Variants in FAM180A observed in about 807,000 individuals in gnomAD.
FAM180A encodes the protein protein FAM180A.
Under a neutral mutation model 15.3 loss-of-function variants are expected in FAM180A, and 14 were observed. The ratio of observed to expected loss-of-function variants is 0.92; its 90% CI spans 0.61 to 1.43. The LOEUF (loss-of-function observed/expected upper bound fraction) is 1.43. Ranked by LOEUF, FAM180A falls within the 40% of genes most tolerant of loss-of-function variation. The probability of loss-of-function intolerance (pLI) is 0.00; values close to 1 mark genes in which losing one functional copy is unlikely to be tolerated. For synonymous variants in FAM180A, 90 were observed against 96.8 expected (o/e 0.93, Z 0.41); for missense variants, 200 against 220.8 (o/e 0.91, Z 0.60).
intron 3 of FAM180A, among the ~76,000 whole-genome samples, chr7:135,732,730 C>T (rs1796803686): frequency 1.1e-5 from 1 of 93,288 alleles, no homozygotes. Context: ...CACACACACA[C>T]ACACACACAC....
Position 135,732,947 on chromosome 7 carries a change from G to A in FAM180A, c.*329+699C>T, listed in dbSNP as rs147974758. On this transcript the variant is annotated intron_variant, in intron 3 of 3. Coordinates refer to ENST00000338588, the MANE Select transcript of FAM180A (RefSeq NM_205855.4). ...TTTTTGCATGAAGACAGACAGGCAC[G>A]GGCCTACATGCCACCTTGTTCGTTG... 4.4e-3 allele frequency among the ~76,000 whole-genome samples: 669 copies of A among 152,248 alleles called. 3 individuals carry two copies. The highest frequency in any genetic ancestry group is 7.2e-3 in the Non-Finnish European group (491 of 68,018).
chr7:135,746,654 G>C (rs1797035978), intron 1 of FAM180A, among the ~76,000 whole-genome samples: 1 of 152,180 alleles, frequency 6.6e-6, no homozygotes. Flanking sequence ...CAAATCCCCA[G>C]TGTGACAAAG....
rs775560836 is a variant in FAM180A, at chr7:135,734,306, T to A, written c.191A>T (p.Glu64Val). ...VELLYEFLLAELEISPDLQIS... is the reference protein window; with the variant it reads ...VELLYEFLLAVLEISPDLQIS... ...CTGCAGGTCAGGGCTGATCTCAAGT[T>A]CGGCCAGCAGGAACTGGTGAGAAAT... The change falls in exon 3 of 4, where the codon GAA becomes GTA. Residue 64 changes from glutamate to valine, a missense_variant. Glu to Val is a moderately radical substitution (Grantham distance 121). Coordinates refer to ENST00000338588, the MANE Select transcript of FAM180A (RefSeq NM_205855.4). 26 of 1,594,718 alleles carry A rather than the reference T, an allele frequency of 1.6e-5. No homozygotes were observed. In the African/African-American group the frequency reaches 3.2e-4, roughly 20 times the overall value.
chr7:135,734,296 G>C lies in FAM180A; in HGVS notation c.201C>G (p.Ile67Met), dbSNP rs377399982. 1 of 1,597,426 alleles carries C rather than the reference G, an allele frequency of 6.3e-7. No individual in the cohort carries two copies. Among genetic ancestry groups the C allele is most frequent in the Non-Finnish European group, 8.5e-7 (1 of 1,170,434 alleles). The change falls in exon 3 of 4, where the codon ATC becomes ATG. Residue 67 changes from isoleucine to methionine, a missense_variant. Physicochemically the swap from Ile to Met is conservative, Grantham distance 10 (BLOSUM62 1). Coordinates refer to ENST00000338588, the MANE Select transcript of FAM180A (RefSeq NM_205855.4). ...LYEFLLAELE[I>M]SPDLQISIKD... Reference sequence around the variant, plus strand: ...TGATGGAGATCTGCAGGTCAGGGCTGATCTCAAGTTCGGCCAGCAGGAACT... The same window carrying C: ...TGATGGAGATCTGCAGGTCAGGGCTCATCTCAAGTTCGGCCAGCAGGAACT...
At position 135,729,815 on chromosome 7, in the gene FAM180A, A is replaced by C. The variant is rs1796755294; in HGVS notation, c.*796T>G. 1.1e-6 allele frequency: 1 copy of C among 931,894 alleles called. No individual in the cohort carries two copies. Among genetic ancestry groups the C allele is most frequent in the Non-Finnish European group, 1.3e-6 (1 of 781,226 alleles). The allele number at this position is 931,894 out of a possible 1,614,324, so 57.7% of individuals were successfully genotyped here. ...TAAGTAGTCAGACTCTCAAAAACAGAAAGCAGAATAATGGTGCCAAGAGCT... is the reference window on the plus strand; with the variant it reads ...TAAGTAGTCAGACTCTCAAAAACAGCAAGCAGAATAATGGTGCCAAGAGCT... On this transcript the variant is annotated 3_prime_UTR_variant, in exon 4 of 4. Transcript: ENST00000338588.
chr7:135,747,430 T>A (rs1797046384), intron 1 of FAM180A, among the ~76,000 whole-genome samples: 1 of 152,120 alleles, frequency 6.6e-6, no homozygotes, highest in Admixed American at 6.5e-5. Flanking sequence ...TCAAAAGACT[T>A]ATATCCCTGT....
chr7:135,734,227 G>C lies in FAM180A; in HGVS notation c.270C>G (p.Arg90=), dbSNP rs762118136. The C allele has an allele frequency of 6.9e-5, 112 of 1,614,110 alleles. No homozygotes were observed. Among genetic ancestry groups the C allele is most frequent in the Admixed American group, 1.0e-4 (6 of 60,008 alleles). Residue 90 remains arginine, a synonymous_variant, in exon 3 of 4, where the codon CGC becomes CGG. Coordinates refer to ENST00000338588, the MANE Select transcript of FAM180A (RefSeq NM_205855.4). The part of the protein sequence containing the change: ...LASLRKASDF[R]TVCNNVIPKS... ...TGGGGATGACGTTGTTGCAGACGGT[G>C]CGGAAGTCTGAGGCCTTCCGCAAGG...
intron 3 of FAM180A, among the ~76,000 whole-genome samples, chr7:135,732,379 A>G (rs1332748081): frequency 1.3e-5 from 2 of 152,110 alleles, no homozygotes; most frequent in East Asian, 1.9e-4. Flanking sequence ...ATCTTATCCA[A>G]CTCCTTCATT....
Position 135,730,242 on chromosome 7 carries a change from G to A in FAM180A, c.*369C>T, listed in dbSNP as rs1002253000. 16 of 985,390 alleles carry A rather than the reference G, an allele frequency of 1.6e-5. No homozygotes were observed. Among genetic ancestry groups the A allele is most frequent in the Non-Finnish European group, 1.9e-5 (16 of 829,906 alleles). 61.0% of individuals were successfully genotyped at this position (985,390 alleles called of 1,614,324 possible). The stretch of plus-strand genomic sequence containing the variant: ...GGATGCCAACGATGGAGGAAACTTA[G>A]AAAGTTTTTAGATCCTGGGCCAGGC... On this transcript the variant is annotated 3_prime_UTR_variant, in exon 4 of 4. Transcript: ENST00000338588.
chr7:135,739,663 T>C (rs1796918405), intron 1 of FAM180A, among the ~76,000 whole-genome samples: 2 of 140,878 alleles, frequency 1.4e-5, no homozygotes, highest in South Asian at 4.7e-4. Flanking sequence ...TTTAGAAGGA[T>C]TGCCATCAGA....
At chr7:135,732,499 C>A (rs1442164461) in intron 3 of FAM180A, among the ~76,000 whole-genome samples, 1 of 152,174 alleles carries the variant, frequency 6.6e-6, no homozygotes, top group Non-Finnish European at 1.5e-5. Context: ...TTGAGACCAG[C>A]CTGGCCAACA....
chr7:135,748,632 T>C lies in FAM180A; in HGVS notation c.-52A>G. The C allele has an allele frequency of 7.3e-7, 1 of 1,368,582 alleles. No individual in the cohort carries two copies. The highest frequency in any genetic ancestry group is 1.0e-6 in the Non-Finnish European group (1 of 956,306). The allele number at this position is 1,368,582 out of a possible 1,614,324, so 84.8% of individuals were successfully genotyped here. A position where few individuals can be genotyped will look rare whatever the true frequency, so the allele number is the denominator to read the frequency against. ...ACCCTCAAGCCCAGTGGAACCCCAG[T>C]AGCTGCAGGTATGCCCGTGCCGTTC... On this transcript the variant is annotated 5_prime_UTR_variant, in exon 1 of 4. Coordinates refer to ENST00000338588, the MANE Select transcript of FAM180A (RefSeq NM_205855.4).
In FAM180A at chr7:135,736,264, G is replaced by A. The variant is rs146913997; in HGVS notation, c.177+835C>T. On this transcript the variant is annotated intron_variant, in intron 2 of 3. Transcript: ENST00000338588. ...TCTTGAACACCTGACCTTGTGATCC[G>A]CCCGCCTTGGCCTTCCAAAGTGCTG... Among the ~76,000 whole-genome samples, 29 of 152,210 alleles carry A rather than the reference G, an allele frequency of 1.9e-4. No homozygotes were observed. In the East Asian group the frequency reaches 4.8e-3, roughly 25 times the overall value.
chr7:135,732,007 C>A (rs564151050), intron 3 of FAM180A, among the ~76,000 whole-genome samples: 4 of 152,304 alleles, frequency 2.6e-5, no homozygotes, highest in South Asian at 4.1e-4. Context: ...GATCTCTGAG[C>A]TAATGAGGAA....
intron 1 of FAM180A, among the ~76,000 whole-genome samples, chr7:135,742,225 G>C (rs925930742): frequency 2.6e-5 from 4 of 152,228 alleles, no homozygotes; most frequent in Non-Finnish European, 4.4e-5. Context: ...GAGGCTGGAG[G>C]TGGTGGGTGA....
At chr7:135,735,531 C>T (rs761207749) in intron 2 of FAM180A, among the ~76,000 whole-genome samples, 4 of 152,206 alleles carry the variant, frequency 2.6e-5, no homozygotes, top group East Asian at 1.9e-4. Context: ...CTCCCCTGCC[C>T]GAATTCATCC....
chr7:135,741,338 G>C (rs942959237), intron 1 of FAM180A, among the ~76,000 whole-genome samples: 1 of 152,134 alleles, frequency 6.6e-6, no homozygotes. Context: ...GCTTTAAAAT[G>C]TAAGTGTGTA....
At chr7:135,732,140 A>G (rs975712929) in intron 3 of FAM180A, among the ~76,000 whole-genome samples, 3 of 152,220 alleles carry the variant, frequency 2.0e-5, no homozygotes, top group Non-Finnish European at 4.4e-5. Flanking sequence ...CTAAGAAAGA[A>G]CAGACTGTGA....
At chr7:135,739,928 G>T (rs1300933010) in intron 1 of FAM180A, among the ~76,000 whole-genome samples, 2 of 152,206 alleles carry the variant, frequency 1.3e-5, no homozygotes, top group Non-Finnish European at 2.9e-5. Flanking sequence ...CATAGCTGTT[G>T]ATGACCAAAT....
Sources: allele counts gnomAD v4.1 joint callset (sites outside exome capture counted in the v4.1 genomes callset), GRCh38; gene constraint gnomAD v4.1.1; transcripts MANE v1.5; gene names NCBI Gene and HGNC (gene_info 2026-07-23, HGNC 2026-07-21).